DNAH7: variants seen among roughly 807,000 people sequenced by gnomAD.
DNAH7 encodes axonemal beta dynein heavy chain 7.
DNAH7 carries 397 observed loss-of-function variants against 444.6 expected under a neutral mutation model. The observed-to-expected ratio is 0.89, with a 90% CI of 0.82 to 0.97. The LOEUF is 0.97. DNAH7 is among the 50% of genes least tolerant of loss of function. The probability of loss-of-function intolerance (pLI) is 0.00; values close to 1 mark genes in which losing one functional copy is unlikely to be tolerated. For synonymous variants in DNAH7, 1,636 were observed against 1,624.4 expected (o/e 1.01, Z -0.17); for missense variants, 4,902 against 4,800.8 (o/e 1.02, Z -0.62).
Position 195,906,790 on chromosome 2 carries a change from T to C in DNAH7, c.4208-4A>G, listed in dbSNP as rs755895326. The C allele has an allele frequency of 1.1e-5, 18 of 1,612,836 alleles. No individual in the cohort carries two copies. Among genetic ancestry groups the C allele is most frequent in the Admixed American group, 5.0e-5 (3 of 59,870 alleles). On this transcript the variant is annotated splice_polypyrimidine_tract_variant and splice_region_variant and intron_variant, in intron 26 of 64. Transcript: ENST00000312428. ...ATATCAGCACCTGCATTAATACCTGTAGGTAATCAGGAATGAAATGACTTA... is the reference window on the plus strand; with the variant it reads ...ATATCAGCACCTGCATTAATACCTGCAGGTAATCAGGAATGAAATGACTTA...
intron 7 of DNAH7, 79 bp downstream of exon 7, chr2:196,026,681 T>A: frequency 2.1e-6 from 2 of 967,480 alleles, no homozygotes; most frequent in South Asian, 3.6e-5. Context: ...TAGTTTCAAG[T>A]ATAGGTATTA....
In DNAH7 at chr2:196,001,757, GCA is replaced by G; in HGVS notation, c.1089_1090del (p.Ala364CysfsTer31). 6.2e-7 allele frequency: 1 copy of G among 1,612,392 alleles called. No homozygotes were observed. Among genetic ancestry groups the G allele is most frequent in the Non-Finnish European group, 8.5e-7 (1 of 1,179,198 alleles). On this transcript the variant is annotated frameshift_variant, in exon 11 of 65. Transcript: ENST00000312428. LOFTEE classifies it high-confidence loss of function. The stretch of plus-strand genomic sequence containing the variant: ...CAGCTGTAAAGTCATAAGTGCAGCA[GCA>G]CAGTTGAAAAAAGATTCCAATTTGG...
intron 13 of DNAH7, 136 bp from the exon 14 acceptor site, chr2:195,987,329 G>A (rs1692987094): frequency 1.7e-6 from 1 of 579,468 alleles, no homozygotes; most frequent in Non-Finnish European, 2.8e-6. Flanking sequence ...ATATAATTCA[G>A]GGAGGGTTTT....
At chr2:195,874,362 T>C (rs1700898829) in intron 38 of DNAH7, among the ~76,000 whole-genome samples, 1 of 152,210 alleles carries the variant, frequency 6.6e-6, no homozygotes, top group Admixed American at 6.5e-5. Context: ...GGTAAGATCA[T>C]CTACCCCAGC....
chr2:195,749,792 T>G (rs1574366345), intron 63 of DNAH7, among the ~76,000 whole-genome samples: 1 of 127,294 alleles, frequency 7.9e-6, no homozygotes, highest in South Asian at 2.5e-4. Context: ...TGAGGACACA[T>G]GGACACAGGA....
intron 46 of DNAH7, among the ~76,000 whole-genome samples, chr2:195,848,347 T>C (rs1397413878): frequency 2.6e-5 from 4 of 152,260 alleles, no homozygotes; most frequent in Non-Finnish European, 5.9e-5. Context: ...TGCCAGGTTA[T>C]GCATCTTTGG....
At chr2:195,969,848 T>A (rs1163269844) in intron 17 of DNAH7, 100 bp downstream of exon 17, 1 of 1,174,788 alleles carries the variant, frequency 8.5e-7, no homozygotes, top group Non-Finnish European at 1.2e-6. Flanking sequence ...ATGTGGTTAC[T>A]GTTTTATTTG....
intron 17 of DNAH7, among the ~76,000 whole-genome samples, chr2:195,964,072 A>G (rs925801923): frequency 6.6e-6 from 1 of 152,158 alleles, no homozygotes; most frequent in Non-Finnish European, 1.5e-5. Flanking sequence ...TTTTTGTTCA[A>G]GATAGCTTTG....
intron 53 of DNAH7, among the ~76,000 whole-genome samples, chr2:195,807,717 G>A (rs1391386715): frequency 1.3e-5 from 2 of 152,142 alleles, no homozygotes; most frequent in African/African-American, 2.4e-5. Flanking sequence ...AAAAGGAAAC[G>A]TGTACCTGTG....
At chr2:195,776,481 A>G (rs973374785) in intron 59 of DNAH7, among the ~76,000 whole-genome samples, 2 of 152,100 alleles carry the variant, frequency 1.3e-5, no homozygotes, top group Admixed American at 1.3e-4. Flanking sequence ...GAATGTATTT[A>G]CAGAGAAAAA....
At chr2:195,845,864 T>G (rs1157550422) in intron 46 of DNAH7, among the ~76,000 whole-genome samples, 1 of 152,180 alleles carries the variant, frequency 6.6e-6, no homozygotes, top group African/African-American at 2.4e-5. Flanking sequence ...CAACTCAAGA[T>G]GAATTAAAGA....
chr2:195,811,130 A>G (rs997298727), intron 51 of DNAH7, among the ~76,000 whole-genome samples: 1 of 152,214 alleles, frequency 6.6e-6, no homozygotes, highest in African/African-American at 2.4e-5. Context: ...ATCATTCTCA[A>G]TGCTGGTGAG....
chr2:195,987,926 A>G lies in DNAH7; in HGVS notation c.1626+31T>C, dbSNP rs1379516777. 7 of 1,554,206 alleles carry G rather than the reference A, an allele frequency of 4.5e-6. No individual in the cohort carries two copies. The South Asian group carries it at 4.9e-5, about 11-fold the overall frequency. ...ACTGGGGAAAAGATACCAGATAGAG[A>G]TAACAGTTGCACAAAACTGGAGTCA... On this transcript the variant is annotated intron_variant, in intron 13 of 64. Coordinates refer to ENST00000312428, the MANE Select transcript of DNAH7 (RefSeq NM_018897.3).
chr2:196,055,812 C>T (rs1697764135), intron 2 of DNAH7, among the ~76,000 whole-genome samples: 1 of 152,126 alleles, frequency 6.6e-6, no homozygotes, highest in African/African-American at 2.4e-5. Flanking sequence ...CTATGTAACC[C>T]AAGCCTCCTA....
chr2:195,898,104 G>C (rs898040614), intron 28 of DNAH7, among the ~76,000 whole-genome samples: 2 of 152,176 alleles, frequency 1.3e-5, no homozygotes, highest in Non-Finnish European at 2.9e-5. Context: ...TTCATGACTA[G>C]CAGTAGACTG....
chr2:195,738,677 TTTG>T (rs1437759048), intron 64 of DNAH7, among the ~76,000 whole-genome samples: 5 of 152,206 alleles, frequency 3.3e-5, no homozygotes, highest in African/African-American at 1.2e-4. Context: ...ATTCCTACAA[TTTG>T]TTATTAGACC....
At chr2:195,759,691 A>T (rs557409482) in intron 61 of DNAH7, among the ~76,000 whole-genome samples, 1 of 152,230 alleles carries the variant, frequency 6.6e-6, no homozygotes, top group South Asian at 2.1e-4. Flanking sequence ...TCTCTACAAA[A>T]AATAAAAAAA....
intron 19 of DNAH7, among the ~76,000 whole-genome samples, chr2:195,937,660 G>A (rs1474106600): frequency 6.6e-5 from 10 of 151,952 alleles, no homozygotes; most frequent in Non-Finnish European, 1.0e-4. Flanking sequence ...TAAAAATACA[G>A]CCTAGATATA....
chr2:195,990,972 T>C lies in DNAH7; in HGVS notation c.1354-2743A>G, dbSNP rs531120422. ...ATATATATACTTAAATATATATACA[T>C]ATATATATATATATGCTTAAGTGTT... On this transcript the variant is annotated intron_variant, in intron 12 of 64. Coordinates refer to ENST00000312428, the MANE Select transcript of DNAH7 (RefSeq NM_018897.3). 8.3e-5 allele frequency among the ~76,000 whole-genome samples: 12 copies of C among 144,328 alleles called. No homozygotes were observed. The East Asian group carries it at 2.4e-3, about 28-fold the overall frequency. 94.7% of individuals were successfully genotyped at this position (144,328 alleles called of 152,430 possible).
Sources: allele counts gnomAD v4.1 joint callset (sites outside exome capture counted in the v4.1 genomes callset), GRCh38; gene constraint gnomAD v4.1.1; transcripts MANE v1.5; gene names NCBI Gene and HGNC (gene_info 2026-07-23, HGNC 2026-07-21).